WDR37: variants seen among roughly 807,000 people sequenced by gnomAD.
WDR37 encodes the protein WD repeat domain 37.
WDR37 carries 19 observed loss-of-function variants against 62.9 expected under a neutral mutation model. The ratio of observed to expected loss-of-function variants is 0.30; its 90% CI spans 0.21 to 0.44. The LOEUF (loss-of-function observed/expected upper bound fraction) is 0.44. Among genes scored for constraint, WDR37 ranks in the 20% least tolerant of loss-of-function variants. The pLI, the probability that WDR37 is intolerant of heterozygous loss-of-function variation, is 1.00. For synonymous variants in WDR37, 250 were observed against 260.9 expected, an observed-to-expected ratio of 0.96 and a Z score of 0.40; for missense variants, 474 against 657.6, an observed-to-expected ratio of 0.72 and a Z score of 3.05.
At chr10:1,096,525 A>T (rs923695086) in intron 9 of WDR37, 2 of 445,378 alleles carry the variant, frequency 4.5e-6, no homozygotes, top group Non-Finnish European at 8.1e-6. Context: ...GCAGAGCCAG[A>T]GGGCGGCCGT....
chr10:1,086,736 T>C (rs1834214250), intron 7 of WDR37, among the ~76,000 whole-genome samples: 1 of 152,248 alleles, frequency 6.6e-6, no homozygotes, highest in Non-Finnish European at 1.5e-5. Flanking sequence ...GGATACTCCA[T>C]GAATGTGCTT....
intron 7 of WDR37, among the ~76,000 whole-genome samples, chr10:1,090,430 A>T (rs1287721770): frequency 6.6e-6 from 1 of 152,134 alleles, no homozygotes; most frequent in Non-Finnish European, 1.5e-5. Flanking sequence ...AAATGTTGGG[A>T]TTATAGGTGT....
At chr10:1,120,460 C>T (rs1871626) in intron 11 of WDR37, among the ~76,000 whole-genome samples, 88,708 of 152,068 alleles carry the variant, frequency 0.58, 26,849 homozygotes, top group Non-Finnish European at 0.67. Flanking sequence ...GGACTGTTGG[C>T]GACGCAGGTG....
chr10:1,114,375 A>C (rs1835318685), intron 11 of WDR37, among the ~76,000 whole-genome samples: 1 of 152,242 alleles, frequency 6.6e-6, no homozygotes, highest in Non-Finnish European at 1.5e-5. Flanking sequence ...CCCAGCCTTC[A>C]GCAGCCACCA....
chr10:1,071,836 C>T (rs562795727), intron 1 of WDR37, among the ~76,000 whole-genome samples: 2 of 152,066 alleles, frequency 1.3e-5, no homozygotes, highest in East Asian at 3.9e-4. Flanking sequence ...TGGGGAATTC[C>T]GTTGGGTTAA....
chr10:1,124,004 A>C lies in WDR37; in HGVS notation c.1104-214A>C. ...GTAGATGTGGAATAGAGTAGAATGG[A>C]CTGTGTGTTTCTGATCCACTGGGAA... is the stretch of plus-strand genomic sequence containing the variant. On this transcript the variant is annotated intron_variant, in intron 11 of 13. Coordinates refer to ENST00000263150, the MANE Select transcript of WDR37 (RefSeq NM_014023.4). The C allele has an allele frequency of 8.6e-6, 5 of 584,696 alleles. 1 individual carries two copies. In the South Asian group the frequency reaches 1.1e-4, roughly 13 times the overall value. The allele number at this position is 584,696 out of a possible 1,614,324, so 36.2% of individuals were successfully genotyped here. A position where few individuals can be genotyped will look rare whatever the true frequency, so the allele number is the denominator to read the frequency against.
Position 1,120,078 on chromosome 10 carries a change from T to C in WDR37, c.1104-4140T>C, listed in dbSNP as rs527281216. Among the ~76,000 whole-genome samples the C allele has an allele frequency of 9.2e-5, 14 of 152,320 alleles. No homozygotes were observed. In the South Asian group the frequency reaches 2.1e-3, roughly 23 times the overall value. On this transcript the variant is annotated intron_variant, in intron 11 of 13. Coordinates refer to ENST00000263150, the MANE Select transcript of WDR37 (RefSeq NM_014023.4). ...GTAGCCATCAAGGAGTATTGAGAAA[T>C]GTGTCTTATTTGAATGTGACTTCTC...
At chr10:1,114,925 G>A (rs1393181390) in intron 11 of WDR37, among the ~76,000 whole-genome samples, 1 of 152,124 alleles carries the variant, frequency 6.6e-6, no homozygotes, top group East Asian at 1.9e-4. Flanking sequence ...AGAGGCTTTT[G>A]CTGTCATGAC....
intron 12 of WDR37, 109 bp downstream of exon 12, chr10:1,124,461 T>C: frequency 6.9e-7 from 1 of 1,456,486 alleles, no homozygotes; most frequent in Non-Finnish European, 9.4e-7. Context: ...CCGGGAACAA[T>C]GGTTTAGGCT....
intron 2 of WDR37, among the ~76,000 whole-genome samples, chr10:1,076,731 A>G (rs1833888624): frequency 6.7e-6 from 1 of 149,968 alleles, no homozygotes; most frequent in African/African-American, 2.5e-5. Context: ...TTTATGCTAT[A>G]TGTAAATTTG....
intron 2 of WDR37, among the ~76,000 whole-genome samples, chr10:1,077,322 G>A (rs893899113): frequency 6.6e-6 from 1 of 152,196 alleles, no homozygotes; most frequent in Admixed American, 6.5e-5. Context: ...GGCCTGGGCA[G>A]GAAATAAAAA....
chr10:1,058,908 A>C (rs763400449), intron 1 of WDR37, among the ~76,000 whole-genome samples: 8 of 152,228 alleles, frequency 5.3e-5, no homozygotes, highest in Non-Finnish European at 1.2e-4. Flanking sequence ...TTTATTTTTA[A>C]TGCCACATGG....
intron 5 of WDR37, among the ~76,000 whole-genome samples, chr10:1,081,689 G>C (rs551865588): frequency 5.3e-5 from 8 of 151,974 alleles, no homozygotes; most frequent in Non-Finnish European, 1.0e-4. Flanking sequence ...ATACTTACAA[G>C]TTTTGAACTT....
intron 10 of WDR37, among the ~76,000 whole-genome samples, chr10:1,104,899 G>A (rs1402038761): frequency 6.6e-6 from 1 of 152,196 alleles, no homozygotes; most frequent in Non-Finnish European, 1.5e-5. Flanking sequence ...CAGAAAATGG[G>A]TTATGCACCT....
At chr10:1,063,258 C>G (rs1833429001) in intron 1 of WDR37, among the ~76,000 whole-genome samples, 1 of 152,152 alleles carries the variant, frequency 6.6e-6, no homozygotes, top group African/African-American at 2.4e-5. Flanking sequence ...TCAGACAAAA[C>G]AAGGCCCAAG....
chr10:1,072,566 G>A (rs1444197915), intron 2 of WDR37, among the ~76,000 whole-genome samples: 7 of 152,110 alleles, frequency 4.6e-5, no homozygotes, highest in African/African-American at 1.7e-4. Context: ...CACCTGTCTC[G>A]CCCTCCCAAA....
At chr10:1,074,471 T>A in intron 2 of WDR37, 1 of 1,304,498 alleles carries the variant, frequency 7.7e-7, no homozygotes, top group South Asian at 1.2e-5. Context: ...ATTTGTTCAA[T>A]GAGCAGTGAT....
intron 11 of WDR37, among the ~76,000 whole-genome samples, chr10:1,113,300 A>C (rs1835276038): frequency 6.6e-6 from 1 of 152,182 alleles, no homozygotes; most frequent in South Asian, 2.1e-4. Flanking sequence ...GCTCAGGAAA[A>C]AACTTTTTTT....
chr10:1,102,820 C>T (rs990393424), intron 9 of WDR37, among the ~76,000 whole-genome samples: 1 of 151,990 alleles, frequency 6.6e-6, no homozygotes, highest in African/African-American at 2.4e-5. Context: ...TCCATACTAA[C>T]GGGTGTGTGT....
Sources: allele counts gnomAD v4.1 joint callset (sites outside exome capture counted in the v4.1 genomes callset), GRCh38; gene constraint gnomAD v4.1.1; transcripts MANE v1.5; gene names NCBI Gene and HGNC (gene_info 2026-07-23, HGNC 2026-07-21).